Variants in SGK3 observed in about 807,000 individuals in gnomAD.
The protein encoded by SGK3 is serum/glucocorticoid regulated kinase family member 3.
A neutral mutation model predicts 68.5 loss-of-function variants in SGK3; 47 were observed. The observed-to-expected ratio is 0.69, with a 90% CI of 0.54 to 0.87. The LOEUF (loss-of-function observed/expected upper bound fraction) is 0.87. SGK3 is among the 40% of genes least tolerant of loss of function. The probability of loss-of-function intolerance (pLI) is 0.00; values close to 1 mark genes in which losing one functional copy is unlikely to be tolerated. For synonymous variants in SGK3, 181 were observed against 189.1 expected (o/e 0.96, Z 0.35); for missense variants, 479 against 575.5 (o/e 0.83, Z 1.72).
chr8:66,847,248 C>A lies in SGK3; in HGVS notation c.1130C>A (p.Pro377His), dbSNP rs1352765522. Residue 377 changes from proline to histidine, a missense_variant, in exon 15 of 17, where the codon CCC becomes CAC. By Grantham distance (77) the Pro-to-His change is moderately conservative. Transcript: ENST00000521198. ...AEMYDNILHK[P>H]LSLRPGVSLT... The stretch of plus-strand genomic sequence containing the variant: ...ATGTATGACAATATCCTTCACAAAC[C>A]CCTAAGTTTGAGGCCAGGAGTGAGT... The A allele has an allele frequency of 1.2e-6, 2 of 1,613,962 alleles. No homozygotes were observed. The highest frequency in any genetic ancestry group is 2.7e-5 in the African/African-American group (2 of 74,976).
intron 1 of SGK3, among the ~76,000 whole-genome samples, chr8:66,763,825 A>G (rs1298243929): frequency 6.6e-6 from 1 of 152,030 alleles, no homozygotes; most frequent in African/African-American, 2.4e-5. Flanking sequence ...GTTCTTAAGG[A>G]TAGGAACATA....
chr8:66,775,440 C>A (rs1170490293), intron 1 of SGK3: 1 of 152,422 alleles, frequency 6.6e-6, no homozygotes, highest in Admixed American at 6.5e-5. Context: ...TGACGGGCCC[C>A]GGTGCCATTT....
intron 16 of SGK3, among the ~76,000 whole-genome samples, chr8:66,858,247 C>T (rs892670492): frequency 2.6e-5 from 4 of 151,898 alleles, no homozygotes; most frequent in Admixed American, 6.6e-5. Flanking sequence ...AGGTGGATCA[C>T]GAGGTCAGGA....
chr8:66,795,118 T>G (rs1002611794), intron 2 of SGK3, among the ~76,000 whole-genome samples: 2 of 152,228 alleles, frequency 1.3e-5, no homozygotes, highest in African/African-American at 4.8e-5. Context: ...CAGGTGACTT[T>G]CAATTCAGAA....
intron 5 of SGK3, among the ~76,000 whole-genome samples, chr8:66,814,229 G>C (rs1376989113): frequency 6.6e-6 from 1 of 151,878 alleles, no homozygotes; most frequent in East Asian, 1.9e-4. Flanking sequence ...CCTTCAAAAA[G>C]CATTTAAGTA....
chr8:66,757,476 A>AT (rs1473308122), intron 1 of SGK3, among the ~76,000 whole-genome samples: 2 of 151,780 alleles, frequency 1.3e-5, no homozygotes, highest in African/African-American at 4.8e-5. Flanking sequence ...CAATGGTTGT[A>AT]TGGGCCAGTG....
chr8:66,820,829 G>A (rs917998748), intron 5 of SGK3, among the ~76,000 whole-genome samples: 3 of 152,092 alleles, frequency 2.0e-5, no homozygotes, highest in Non-Finnish European at 4.4e-5. Context: ...TCAGCGTTCT[G>A]AGTAGCTAGG....
intron 14 of SGK3, among the ~76,000 whole-genome samples, chr8:66,846,444 A>G (rs1157956196): frequency 6.6e-6 from 1 of 152,180 alleles, no homozygotes; most frequent in African/African-American, 2.4e-5. Context: ...TCTCCTGAGT[A>G]GATGAGACTA....
intron 1 of SGK3, among the ~76,000 whole-genome samples, chr8:66,772,991 T>C (rs1806566429): frequency 6.6e-6 from 1 of 152,144 alleles, no homozygotes; most frequent in African/African-American, 2.4e-5. Flanking sequence ...GTGGTGCAGA[T>C]CCTAAGTATT....
intron 1 of SGK3, among the ~76,000 whole-genome samples, chr8:66,758,549 T>C (rs1312440717): frequency 6.6e-6 from 1 of 152,138 alleles, no homozygotes; most frequent in East Asian, 1.9e-4. Context: ...TCTATATCTA[T>C]ATATAGATAT....
At chr8:66,838,245 T>C (rs927702711) in intron 10 of SGK3, among the ~76,000 whole-genome samples, 5 of 152,166 alleles carry the variant, frequency 3.3e-5, no homozygotes, top group African/African-American at 1.2e-4. Flanking sequence ...TTTGTATTTT[T>C]AGTAGAGACG....
chr8:66,762,840 T>G (rs545391095), intron 1 of SGK3, among the ~76,000 whole-genome samples: 4 of 152,242 alleles, frequency 2.6e-5, no homozygotes, highest in Non-Finnish European at 5.9e-5. Flanking sequence ...ATCCCTATGA[T>G]GTCATTTGAC....
chr8:66,782,707 T>C (rs1313844407), intron 1 of SGK3, among the ~76,000 whole-genome samples: 1 of 152,222 alleles, frequency 6.6e-6, no homozygotes, highest in African/African-American at 2.4e-5. Flanking sequence ...TTCTAGAATG[T>C]CATATAATTG....
rs1807796844 is a variant in SGK3, at chr8:66,798,565, G to C, written c.120G>C (p.Val40=). ...AGGTTTATAAAGTTCTGGTTTCAGTGGGAAGAAGTGAATGGTTTGTCTTCA... is the reference window on the plus strand; with the variant it reads ...AGGTTTATAAAGTTCTGGTTTCAGTCGGAAGAAGTGAATGGTTTGTCTTCA... ...RFTVYKVLVS[V]GRSEWFVFRR... is the part of the protein sequence containing the mutation. The change falls in exon 3 of 17, where the codon GTG becomes GTC. Residue 40 remains valine (V), a synonymous_variant. Transcript: ENST00000521198. 1 of 1,610,906 alleles carries C rather than the reference G, an allele frequency of 6.2e-7. No individual in the cohort carries two copies. The highest frequency in any genetic ancestry group is 8.5e-7 in the Non-Finnish European group (1 of 1,178,264).
rs572143982 is a variant in SGK3 at position 66,737,247 on chromosome 8, G to A, written c.-122+24414G>A. On this transcript the variant is annotated intron_variant, in intron 1 of 16. Coordinates refer to ENST00000521198, the MANE Select transcript of SGK3 (RefSeq NM_001033578.3). Reference sequence around the variant, plus strand: ...AAAGCCTAAGAAGCCGGCCAGGTGTGGTGGTTTATGCCTATAATCCCAGCA... The same window carrying A: ...AAAGCCTAAGAAGCCGGCCAGGTGTAGTGGTTTATGCCTATAATCCCAGCA... 3 of 152,202 alleles carry A rather than the reference G, an allele frequency of 2.0e-5. No homozygotes were observed. In the East Asian group the frequency reaches 5.8e-4, roughly 29 times the overall value. The allele number at this position is 152,202 out of a possible 1,614,324, so 9.4% of individuals were successfully genotyped here.
chr8:66,806,797 G>A (rs1405208264), intron 4 of SGK3, among the ~76,000 whole-genome samples: 2 of 139,412 alleles, frequency 1.4e-5, no homozygotes, highest in Non-Finnish European at 3.0e-5. Context: ...CTGGGCAACA[G>A]AGCAAGACTC....
intron 1 of SGK3, among the ~76,000 whole-genome samples, chr8:66,729,651 G>C (rs1307968187): frequency 6.6e-6 from 1 of 152,114 alleles, no homozygotes; most frequent in Non-Finnish European, 1.5e-5. Flanking sequence ...AGGAGCAGAA[G>C]TGCTGGGTCA....
At chr8:66,842,144 T>G (rs1053831294) in intron 13 of SGK3, among the ~76,000 whole-genome samples, 2 of 152,186 alleles carry the variant, frequency 1.3e-5, no homozygotes, top group African/African-American at 4.8e-5. Flanking sequence ...TTTTGGTTTC[T>G]GGATGAAGAA....
At chr8:66,849,891 T>C (rs1212844113) in intron 15 of SGK3, among the ~76,000 whole-genome samples, 1 of 152,086 alleles carries the variant, frequency 6.6e-6, no homozygotes, top group Non-Finnish European at 1.5e-5. Context: ...GGGTGGTGGT[T>C]TAAAAAACAT....
Sources: gnomAD v4.1 joint callset for allele counts (sites outside exome capture counted in the v4.1 genomes callset) on GRCh38, gnomAD v4.1.1 for gene constraint, MANE v1.5 for transcripts, NCBI Gene and HGNC (gene_info 2026-07-23, HGNC 2026-07-21) for gene names.